Variants in NTRK3 observed in about 807,000 individuals in gnomAD.
NTRK3 encodes neurotrophic receptor tyrosine kinase 3.
A neutral mutation model predicts 91.7 loss-of-function variants in NTRK3; 24 were observed. The ratio of observed to expected loss-of-function variants is 0.26; its 90% CI spans 0.19 to 0.37. The LOEUF (loss-of-function observed/expected upper bound fraction) is 0.37. NTRK3 is among the 10% of genes least tolerant of loss of function. The probability of loss-of-function intolerance (pLI) is 1.00; values close to 1 mark genes in which losing one functional copy is unlikely to be tolerated. For missense variants in NTRK3, 880 were observed against 1,068.9 expected, an observed-to-expected ratio of 0.82 and a Z score of 2.46; for synonymous variants, 483 against 404.0, an observed-to-expected ratio of 1.20 and a Z score of -2.34.
chr15:88,246,848 G>A (rs922874204), intron 3 of NTRK3, among the ~76,000 whole-genome samples: 11 of 152,180 alleles, frequency 7.2e-5, no homozygotes, highest in African/African-American at 2.7e-4. Flanking sequence ...TCATAGAGGA[G>A]AGCTGACCTC....
At chr15:87,879,123 G>A (rs753321020) in intron 18 of NTRK3, among the ~76,000 whole-genome samples, 7 of 152,110 alleles carry the variant, frequency 4.6e-5, no homozygotes, top group African/African-American at 1.4e-4. Flanking sequence ...GATAGTACAC[G>A]TTTTAAAAAA....
chr15:87,963,945 G>A (rs985317273), intron 14 of NTRK3, among the ~76,000 whole-genome samples: 1 of 152,090 alleles, frequency 6.6e-6, no homozygotes, highest in Non-Finnish European at 1.5e-5. Flanking sequence ...TGTTTTATAA[G>A]AGCAAACTGT....
At chr15:88,182,261 T>C (rs918675883) in intron 5 of NTRK3, among the ~76,000 whole-genome samples, 2 of 152,130 alleles carry the variant, frequency 1.3e-5, no homozygotes, top group Admixed American at 1.3e-4. Context: ...CACTATGTGC[T>C]TGGGAAAACA....
rs140901647 is a variant in NTRK3 at position 88,238,348 on chromosome 15, T to C, written c.248+17558A>G. On this transcript the variant is annotated intron_variant, in intron 3 of 18. Coordinates refer to ENST00000394480, the Ensembl canonical transcript of NTRK3. ...TTTTTATCGCTTAGGGCTTCTAAAGTTTCATTATAATAAAGAAAAAACAAA... is the reference window on the plus strand; with the variant it reads ...TTTTTATCGCTTAGGGCTTCTAAAGCTTCATTATAATAAAGAAAAAACAAA... Among the ~76,000 whole-genome samples, 789 of 152,260 alleles carry C rather than the reference T, an allele frequency of 5.2e-3. 10 individuals carry two copies. Among genetic ancestry groups the C allele is most frequent in the African/African-American group, 0.018 (749 of 41,534 alleles).
intron 3 of NTRK3, among the ~76,000 whole-genome samples, chr15:88,202,120 G>A (rs1033017615): frequency 1.3e-5 from 2 of 152,132 alleles, no homozygotes; most frequent in Non-Finnish European, 2.9e-5. Flanking sequence ...CCATTCTCCA[G>A]CTGACTACTG....
chr15:88,094,054 C>T (rs2049306362), intron 13 of NTRK3, among the ~76,000 whole-genome samples: 1 of 152,060 alleles, frequency 6.6e-6, no homozygotes, highest in South Asian at 2.1e-4. Flanking sequence ...AGGGGATGCA[C>T]TCTCACTCCT....
At chr15:88,159,920 C>A (rs1226966512) in intron 5 of NTRK3, among the ~76,000 whole-genome samples, 1 of 145,422 alleles carries the variant, frequency 6.9e-6, no homozygotes, top group Admixed American at 7.0e-5. Context: ...TGAATCTGTG[C>A]CTCCCCACCC....
chr15:88,178,334 C>T (rs1482999803), intron 5 of NTRK3, among the ~76,000 whole-genome samples: 1 of 152,182 alleles, frequency 6.6e-6, no homozygotes, highest in Non-Finnish European at 1.5e-5. Context: ...CCTCAATAAT[C>T]TCAAGAGAAA....
intron 17 of NTRK3, among the ~76,000 whole-genome samples, chr15:87,925,105 C>G (rs2068181196): frequency 6.6e-6 from 1 of 152,132 alleles, no homozygotes; most frequent in Non-Finnish European, 1.5e-5. Flanking sequence ...CTTGTCAAAG[C>G]CAGTGTAAAG....
At chr15:88,217,089 G>A (rs1030096762) in intron 3 of NTRK3, among the ~76,000 whole-genome samples, 1 of 152,054 alleles carries the variant, frequency 6.6e-6, no homozygotes, top group Non-Finnish European at 1.5e-5. Context: ...TAACCACTAG[G>A]GTGGACACTA....
intron 5 of NTRK3, among the ~76,000 whole-genome samples, chr15:88,165,686 T>C (rs145330093): frequency 6.6e-6 from 1 of 152,240 alleles, no homozygotes; most frequent in Non-Finnish European, 1.5e-5. Flanking sequence ...GTCTGTATTA[T>C]TATAATGATT....
At chr15:87,859,876 T>A (rs930391976) in exon 19 of NTRK3, 6 of 182,428 alleles carry the variant, frequency 3.3e-5, no homozygotes, top group African/African-American at 1.4e-4. Flanking sequence ...TATGATACTA[T>A]GAGAAAGACA....
At chr15:88,185,864 T>C (rs1454107947) in intron 3 of NTRK3, among the ~76,000 whole-genome samples, 1 of 152,214 alleles carries the variant, frequency 6.6e-6, no homozygotes, top group Non-Finnish European at 1.5e-5. Context: ...TGACAAGGTA[T>C]GCTGAGAACC....
intron 17 of NTRK3, among the ~76,000 whole-genome samples, chr15:87,885,293 T>C (rs1234622123): frequency 6.6e-6 from 1 of 151,922 alleles, no homozygotes; most frequent in African/African-American, 2.4e-5. Flanking sequence ...TTTCCTTGAA[T>C]AGGAAGACTC....
At chr15:88,053,125 C>T (rs1229610816) in intron 13 of NTRK3, among the ~76,000 whole-genome samples, 6 of 152,148 alleles carry the variant, frequency 3.9e-5, no homozygotes, top group Admixed American at 3.9e-4. Context: ...ATGGCAATAA[C>T]ATTCTAAGGG....
chr15:88,016,979 A>G lies in NTRK3; in HGVS notation c.1585+15878T>C, dbSNP rs2077279536. The stretch of plus-strand genomic sequence containing the variant: ...CTTAAAAAAAAAAAAAAAAAAAAAA[A>G]AGCCCCTGACCAAATTCCCCATGGA... On this transcript the variant is annotated intron_variant, in intron 14 of 18. Coordinates refer to ENST00000394480, the Ensembl canonical transcript of NTRK3. Among the ~76,000 whole-genome samples, 3 of 149,196 alleles carry G rather than the reference A, an allele frequency of 2.0e-5. No homozygotes were observed. In the South Asian group the frequency reaches 6.4e-4, roughly 32 times the overall value.
At chr15:88,226,986 A>G (rs1449195037) in intron 3 of NTRK3, among the ~76,000 whole-genome samples, 1 of 152,112 alleles carries the variant, frequency 6.6e-6, no homozygotes, top group African/African-American at 2.4e-5. Context: ...CTGCACATTC[A>G]CCTTTTCCAC....
At chr15:88,112,815 C>A (rs2051568548) in intron 13 of NTRK3, among the ~76,000 whole-genome samples, 1 of 152,156 alleles carries the variant, frequency 6.6e-6, no homozygotes, top group Non-Finnish European at 1.5e-5. Context: ...GTGAACGGAG[C>A]CACATCAACC....
intron 14 of NTRK3, among the ~76,000 whole-genome samples, chr15:87,962,946 G>A (rs553845820): frequency 2.6e-5 from 4 of 152,320 alleles, no homozygotes; most frequent in South Asian, 2.1e-4. Context: ...GCAAGGCTCT[G>A]GCCAGAAGAG....
Sources: allele counts gnomAD v4.1 joint callset (sites outside exome capture counted in the v4.1 genomes callset), GRCh38; gene constraint gnomAD v4.1.1; transcripts MANE v1.5; gene names NCBI Gene and HGNC (gene_info 2026-07-23, HGNC 2026-07-21).